CYP4Z1: variants seen among roughly 807,000 people sequenced by gnomAD.
The protein encoded by CYP4Z1 is cytochrome P450 4Z1.
Under a neutral mutation model 54.2 loss-of-function variants are expected in CYP4Z1, and 41 were observed. The observed-to-expected ratio is 0.76, with a 90% CI of 0.59 to 0.98. The LOEUF is 0.98. Among genes scored for constraint, CYP4Z1 ranks in the 50% least tolerant of loss-of-function variants. CYP4Z1 has a pLI of 0.00. For missense variants in CYP4Z1, 513 were observed against 599.0 expected, an observed-to-expected ratio of 0.86 and a Z score of 1.50; for synonymous variants, 163 against 206.2, an observed-to-expected ratio of 0.79 and a Z score of 1.79.
At chr1:47,058,305 T>C in the CYP4Z1 span, among the ~76,000 whole-genome samples, 969 of 152,230 alleles carry the variant, frequency 6.4e-3, 9 homozygotes, top group African/African-American at 0.021. Flanking sequence ...TTTAAAATGG[T>C]GTCCTTGCTC....
chr1:47,085,459 T>A (rs1476943044), intron 6 of CYP4Z1, among the ~76,000 whole-genome samples: 1 of 152,172 alleles, frequency 6.6e-6, no homozygotes, highest in Non-Finnish European at 1.5e-5. Context: ...AATCTACCTA[T>A]GACAATAGCC....
rs371311000 is a variant in CYP4Z1 at position 47,095,660 on chromosome 1, G to A, written c.876+991G>A. Among the ~76,000 whole-genome samples the A allele has an allele frequency of 1.6e-4, 24 of 152,108 alleles. No homozygotes were observed. The East Asian group carries it at 3.9e-3, about 24-fold the overall frequency. ...AACCTTTATTATAACAACCTGTGGG[G>A]TATTTATAAATATCTTTATGTAAGG... On this transcript the variant is annotated intron_variant, in intron 7 of 11. Coordinates refer to ENST00000334194, the MANE Select transcript of CYP4Z1 (RefSeq NM_178134.3).
At chr1:47,060,329 A>G in the CYP4Z1 span, among the ~76,000 whole-genome samples, 2 of 152,336 alleles carry the variant, frequency 1.3e-5, no homozygotes, top group East Asian at 1.9e-4. Context: ...CTCAAACATA[A>G]TGAGACTCAT....
At position 47,099,211 on chromosome 1, in the gene CYP4Z1, A is replaced by G; in HGVS notation, c.994A>G (p.Lys332Glu). ...AISWILYCLA[K>E]YPEHQQRCRD... ...CTCCTGGATCCTTTACTGCTTGGCAAAGTACCCTGAGCATCAGCAGAGATG... is the reference window on the plus strand; with the variant it reads ...CTCCTGGATCCTTTACTGCTTGGCAGAGTACCCTGAGCATCAGCAGAGATG... Residue 332 changes from lysine (K) to glutamate (E), a missense_variant, in exon 8 of 12, where the codon AAG becomes GAG. Lys to Glu is a moderately conservative substitution (Grantham distance 56). Coordinates refer to ENST00000334194, the MANE Select transcript of CYP4Z1 (RefSeq NM_178134.3). 6.2e-7 allele frequency: 1 copy of G among 1,613,952 alleles called. No individual in the cohort carries two copies. The highest frequency in any genetic ancestry group is 8.5e-7 in the Non-Finnish European group (1 of 1,179,962).
the CYP4Z1 span, among the ~76,000 whole-genome samples, chr1:47,055,608 G>A: frequency 6.6e-6 from 1 of 152,168 alleles, no homozygotes; most frequent in African/African-American, 2.4e-5. Context: ...CCTGTTACTG[G>A]TCTATTCAGA....
chr1:47,083,075 C>T (rs1016429714), intron 4 of CYP4Z1, among the ~76,000 whole-genome samples: 1 of 152,062 alleles, frequency 6.6e-6, no homozygotes, highest in African/African-American at 2.4e-5. Context: ...CACCTAAGGT[C>T]CGTTTCAGGG....
chr1:47,072,868 TA>T (rs958263660), intron 2 of CYP4Z1, among the ~76,000 whole-genome samples: 1 of 151,446 alleles, frequency 6.6e-6, no homozygotes, highest in African/African-American at 2.4e-5. Context: ...TGACCATATA[TA>T]GGGGCTATTG....
At chr1:47,077,431 T>C (rs1644533079) in intron 2 of CYP4Z1, among the ~76,000 whole-genome samples, 1 of 152,164 alleles carries the variant, frequency 6.6e-6, no homozygotes, top group South Asian at 2.1e-4. Context: ...TTCTACCCTT[T>C]TACTTTTAAC....
intron 2 of CYP4Z1, among the ~76,000 whole-genome samples, chr1:47,076,927 G>A (rs1226623256): frequency 6.7e-6 from 1 of 149,454 alleles, no homozygotes; most frequent in Non-Finnish European, 1.5e-5. Flanking sequence ...TTGATTTCTA[G>A]TTTTATTCTA....
chr1:47,114,238 C>T (rs1268874383), intron 9 of CYP4Z1, among the ~76,000 whole-genome samples: 1 of 152,140 alleles, frequency 6.6e-6, no homozygotes, highest in Non-Finnish European at 1.5e-5. Flanking sequence ...AGCTGGCTAG[C>T]CATATGCAGA....
chr1:47,100,666 A>T (rs921381376), intron 8 of CYP4Z1, among the ~76,000 whole-genome samples: 4 of 152,086 alleles, frequency 2.6e-5, no homozygotes, highest in Admixed American at 2.6e-4. Context: ...AGTGTTATAA[A>T]CTGTTCTATT....
At chr1:47,057,327 G>GAAAAAAAAAAAAAAAAAAAAAAAAA in the CYP4Z1 span, among the ~76,000 whole-genome samples, 7 of 18,038 alleles carry the variant, frequency 3.9e-4, 3 homozygotes, top group African/African-American at 1.5e-3. Context: ...TACTTCTTAA[G>GAAAAAAAAAAAAAAAAAAAAAAAAA]AAAAAAAAAT....
In CYP4Z1 at chr1:47,086,389, A is replaced by C. The variant is rs868056856; in HGVS notation, c.772+1411A>C. ...TGACTTTTTAATGATCGCCTTTCTA[A>C]CTGGTGTGAGATGGTATCTCATTGT... On this transcript the variant is annotated intron_variant, in intron 6 of 11. Transcript: ENST00000334194. Among the ~76,000 whole-genome samples the C allele has an allele frequency of 1.3e-3, 191 of 152,236 alleles. 1 individual carries two copies. Among genetic ancestry groups the C allele is most frequent in the African/African-American group, 4.3e-3 (179 of 41,560 alleles).
At chr1:47,078,868 C>T (rs1228397780) in intron 2 of CYP4Z1, among the ~76,000 whole-genome samples, 3 of 148,126 alleles carry the variant, frequency 2.0e-5, no homozygotes, top group Admixed American at 6.8e-5. Flanking sequence ...TGCATCCTAC[C>T]CTGGGTATGT....
rs1644457111 is a variant in CYP4Z1 at position 47,067,363 on chromosome 1, C to G, written c.-128C>G. On this transcript the variant is annotated 5_prime_UTR_variant, in exon 1 of 12. Coordinates refer to ENST00000334194, the MANE Select transcript of CYP4Z1 (RefSeq NM_178134.3). ...TTAGGCTTCCTCTTCCTTATGTCCC[C>G]TCCCTGAATATGGCATTTTGAAAGC... is the stretch of plus-strand genomic sequence containing the variant. 4 of 749,992 alleles carry G rather than the reference C, an allele frequency of 5.3e-6. No homozygotes were observed. The South Asian group carries it at 1.1e-4, about 21-fold the overall frequency. The allele number at this position is 749,992 out of a possible 1,614,324, so 46.5% of individuals were successfully genotyped here.
chr1:47,087,369 A>C (rs1162625124), intron 6 of CYP4Z1, among the ~76,000 whole-genome samples: 1 of 152,054 alleles, frequency 6.6e-6, no homozygotes, highest in Non-Finnish European at 1.5e-5. Flanking sequence ...CTTTTATTTC[A>C]TTGAGCAGTA....
At chr1:47,101,088 G>C (rs904880664) in intron 8 of CYP4Z1, among the ~76,000 whole-genome samples, 1 of 152,116 alleles carries the variant, frequency 6.6e-6, no homozygotes, top group Non-Finnish European at 1.5e-5. Flanking sequence ...TACTTCTGTG[G>C]TATCAGTTGA....
intron 6 of CYP4Z1, among the ~76,000 whole-genome samples, chr1:47,086,286 A>T (rs1048541115): frequency 6.6e-6 from 1 of 151,898 alleles, no homozygotes; most frequent in Non-Finnish European, 1.5e-5. Flanking sequence ...TCCACAATGG[A>T]TGAACTAGTT....
At chr1:47,095,852 T>G (rs1215031885) in intron 7 of CYP4Z1, among the ~76,000 whole-genome samples, 1 of 152,242 alleles carries the variant, frequency 6.6e-6, no homozygotes, top group Non-Finnish European at 1.5e-5. Flanking sequence ...TCTCCAAGTG[T>G]TCAATAAATA....
Sources: gnomAD v4.1 joint callset for allele counts (sites outside exome capture counted in the v4.1 genomes callset) on GRCh38, gnomAD v4.1.1 for gene constraint, MANE v1.5 for transcripts, NCBI Gene and HGNC (gene_info 2026-07-23, HGNC 2026-07-21) for gene names.